The following EBF1 variants were observed in gnomAD, a reference collection of about 807,000 sequenced individuals.
EBF1 encodes transcription factor COE1.
EBF1 carries 10 observed loss-of-function variants against 68.4 expected under a neutral mutation model. The observed-to-expected ratio is 0.15, with a 90% confidence interval of 0.09 to 0.25. EBF1 has a LOEUF of 0.25. Ranked by LOEUF, EBF1 falls within the 10% of genes least tolerant of loss-of-function variation. The pLI, the probability that EBF1 is intolerant of heterozygous loss-of-function variation, is 1.00. For synonymous variants in EBF1, 298 were observed against 299.8 expected, an observed-to-expected ratio of 0.99 and a Z score of 0.06; for missense variants, 509 against 794.4, an observed-to-expected ratio of 0.64 and a Z score of 4.32.
intron 6 of EBF1, among the ~76,000 whole-genome samples, chr5:159,003,160 A>C (rs906500217): frequency 6.6e-6 from 1 of 152,172 alleles, no homozygotes; most frequent in African/African-American, 2.4e-5. Context: ...GAACTGCTTT[A>C]ATTGGCTCTT....
At chr5:158,880,999 G>A (rs1304039474) in intron 6 of EBF1, among the ~76,000 whole-genome samples, 1 of 151,972 alleles carries the variant, frequency 6.6e-6, no homozygotes, top group East Asian at 1.9e-4. Flanking sequence ...CTTACAGACT[G>A]CAAAGAAGAA....
intron 6 of EBF1, among the ~76,000 whole-genome samples, chr5:158,869,056 G>A (rs1223793194): frequency 2.0e-5 from 3 of 152,112 alleles, no homozygotes; most frequent in Non-Finnish European, 4.4e-5. Flanking sequence ...CAGGACTGGT[G>A]TTTTCTGCAG....
At chr5:158,992,124 A>T (rs1478274338) in intron 6 of EBF1, among the ~76,000 whole-genome samples, 1 of 152,134 alleles carries the variant, frequency 6.6e-6, no homozygotes, top group Admixed American at 6.5e-5. Flanking sequence ...AAAGGAAAAA[A>T]GGAGGTTGGG....
chr5:158,986,372 T>C (rs1759075941), intron 6 of EBF1: 1 of 152,192 alleles, frequency 6.6e-6, no homozygotes, highest in African/African-American at 2.4e-5. Context: ...CTCCCCTAGG[T>C]TTCCTAGGCT....
At chr5:158,946,781 C>A (rs934796705) in intron 6 of EBF1, among the ~76,000 whole-genome samples, 2 of 152,186 alleles carry the variant, frequency 1.3e-5, no homozygotes, top group Non-Finnish European at 2.9e-5. Context: ...TGAAGCTGCA[C>A]CCACAGCTGC....
At chr5:158,875,071 A>ACACG (rs1797591597) in intron 6 of EBF1, among the ~76,000 whole-genome samples, 1 of 151,440 alleles carries the variant, frequency 6.6e-6, no homozygotes, top group Non-Finnish European at 1.5e-5. Flanking sequence ...ACACACACAC[A>ACACG]CACACACACA....
intron 4 of EBF1, among the ~76,000 whole-genome samples, chr5:159,085,714 T>C (rs1780510299): frequency 6.6e-6 from 1 of 152,210 alleles, no homozygotes; most frequent in South Asian, 2.1e-4. Flanking sequence ...CCTCAATTTC[T>C]TGATGACAAA....
At chr5:159,034,521 G>A (rs1168074518) in intron 6 of EBF1, among the ~76,000 whole-genome samples, 2 of 152,180 alleles carry the variant, frequency 1.3e-5, no homozygotes, top group South Asian at 2.1e-4. Context: ...CACCTTGACA[G>A]CAAATCGATT....
chr5:158,973,228 C>T (rs750855625), intron 6 of EBF1, among the ~76,000 whole-genome samples: 70 of 152,144 alleles, frequency 4.6e-4, no homozygotes, highest in Admixed American at 8.5e-4. Flanking sequence ...GAAAGGTACT[C>T]AGTAAATACT....
intron 11 of EBF1, among the ~76,000 whole-genome samples, chr5:158,729,979 T>C (rs747484604): frequency 4.6e-5 from 7 of 152,032 alleles, no homozygotes; most frequent in Non-Finnish European, 8.8e-5. Context: ...AGCACACGGG[T>C]AGGATTTGAT....
At chr5:158,953,461 C>T (rs896872153) in intron 6 of EBF1, among the ~76,000 whole-genome samples, 3 of 152,140 alleles carry the variant, frequency 2.0e-5, no homozygotes, top group Admixed American at 1.3e-4. Context: ...AGAGTTTGGG[C>T]CTCTTTCACA....
rs565644056 is a variant in EBF1 at position 158,818,295 on chromosome 5, CA to C, written c.778+4880del. Among the ~76,000 whole-genome samples the C allele has an allele frequency of 1.2e-4, 19 of 152,214 alleles. No homozygotes were observed. The South Asian group carries it at 2.5e-3, about 20-fold the overall frequency. On this transcript the variant is annotated intron_variant, in intron 8 of 15. Coordinates refer to ENST00000313708, the MANE Select transcript of EBF1 (RefSeq NM_024007.5). Reference sequence around the variant, plus strand: ...CCGTAAAAACATGAAAACAAACAAACAAAAAAACCAAACAAATGAAAAACAC... The same window carrying C: ...CCGTAAAAACATGAAAACAAACAAACAAAAAACCAAACAAATGAAAAACAC...
intron 6 of EBF1, among the ~76,000 whole-genome samples, chr5:159,007,834 A>G (rs1020217911): frequency 5.3e-5 from 8 of 152,154 alleles, no homozygotes; most frequent in African/African-American, 1.9e-4. Flanking sequence ...CATAAGTTCT[A>G]TTTGTTTAAA....
At chr5:158,935,001 C>A (rs1811660569) in intron 6 of EBF1, among the ~76,000 whole-genome samples, 1 of 152,232 alleles carries the variant, frequency 6.6e-6, no homozygotes, top group Admixed American at 6.5e-5. Context: ...GGGTGCAACC[C>A]AGGCAGGCTG....
chr5:158,710,482 T>C (rs1469842877), intron 14 of EBF1, among the ~76,000 whole-genome samples: 3 of 152,244 alleles, frequency 2.0e-5, no homozygotes, highest in Non-Finnish European at 4.4e-5. Flanking sequence ...TATAGATCTC[T>C]ATGAGAAACA....
At chr5:159,002,984 G>A (rs1409308726) in intron 6 of EBF1, among the ~76,000 whole-genome samples, 3 of 152,090 alleles carry the variant, frequency 2.0e-5, no homozygotes, top group East Asian at 1.9e-4. Context: ...TTTTCCTTTC[G>A]ATCACTCTTT....
intron 6 of EBF1, among the ~76,000 whole-genome samples, chr5:158,966,541 T>C (rs1754167765): frequency 6.6e-6 from 1 of 152,134 alleles, no homozygotes; most frequent in South Asian, 2.1e-4. Context: ...GAAATATCAA[T>C]AAACTGGAAT....
chr5:158,799,737 A>G (rs1039231271), intron 8 of EBF1, among the ~76,000 whole-genome samples: 1 of 152,164 alleles, frequency 6.6e-6, no homozygotes, highest in African/African-American at 2.4e-5. Flanking sequence ...GCCCCAGGGA[A>G]AGGTGACAGC....
At chr5:158,930,696 G>T (rs1810684549) in intron 6 of EBF1, among the ~76,000 whole-genome samples, 1 of 152,116 alleles carries the variant, frequency 6.6e-6, no homozygotes, top group Non-Finnish European at 1.5e-5. Flanking sequence ...AATTCAAAAT[G>T]CTTGTTCACA....
Sources: gnomAD v4.1 joint callset for allele counts (sites outside exome capture counted in the v4.1 genomes callset) on GRCh38, gnomAD v4.1.1 for gene constraint, MANE v1.5 for transcripts, NCBI Gene and HGNC (gene_info 2026-07-23, HGNC 2026-07-21) for gene names.